The following RNF214 variants were observed in gnomAD, a reference collection of about 807,000 sequenced individuals.
The protein encoded by RNF214 is ring finger protein 214.
A neutral mutation model predicts 75.9 loss-of-function variants in RNF214; 25 were observed. The ratio of observed to expected loss-of-function variants is 0.33; its 90% CI spans 0.24 to 0.46. The LOEUF (loss-of-function observed/expected upper bound fraction) is 0.46. Ranked by LOEUF, RNF214 falls within the 20% of genes least tolerant of loss-of-function variation. The pLI, the probability that RNF214 is intolerant of heterozygous loss-of-function variation, is 1.00. For missense variants in RNF214, 725 were observed against 857.5 expected, an observed-to-expected ratio of 0.85 and a Z score of 1.93; for synonymous variants, 314 against 308.8, an observed-to-expected ratio of 1.02 and a Z score of -0.18.
At chr11:117,281,182 CA>C (rs1264993766) in intron 8 of RNF214, 131 bp from the exon 9 acceptor site, 10 of 637,426 alleles carry the variant, frequency 1.6e-5, no homozygotes, top group Non-Finnish European at 2.6e-5. Context: ...CCACATTGCC[CA>C]GGCTGGTCTA....
chr11:117,239,376 C>T, intron 3 of RNF214: 1 of 516,872 alleles, frequency 1.9e-6, no homozygotes, highest in South Asian at 2.5e-5. Flanking sequence ...CACTGAGTAA[C>T]TGATGAGTGC....
intron 2 of RNF214, among the ~76,000 whole-genome samples, chr11:117,235,075 A>G (rs1327923561): frequency 1.3e-5 from 2 of 152,258 alleles, no homozygotes; most frequent in Non-Finnish European, 2.9e-5. Flanking sequence ...TACAATGTAA[A>G]TGTTATGTAA....
chr11:117,248,281 T>G (rs1293817792), intron 6 of RNF214, among the ~76,000 whole-genome samples: 5 of 152,174 alleles, frequency 3.3e-5, no homozygotes, highest in African/African-American at 1.2e-4. Context: ...TTTCACCGTG[T>G]TAGCCAGGAT....
chr11:117,250,090 A>G (rs2033331138), intron 6 of RNF214, among the ~76,000 whole-genome samples: 1 of 152,236 alleles, frequency 6.6e-6, no homozygotes, highest in Non-Finnish European at 1.5e-5. Context: ...TAAACAGATG[A>G]TTGCAAAATA....
chr11:117,233,908 G>C (rs1047272884), intron 1 of RNF214, among the ~76,000 whole-genome samples: 2 of 152,184 alleles, frequency 1.3e-5, no homozygotes, highest in Non-Finnish European at 2.9e-5. Flanking sequence ...CGAAAAGTAC[G>C]TCTTTTATTA....
intron 4 of RNF214, among the ~76,000 whole-genome samples, chr11:117,240,145 G>C (rs1416556880): frequency 1.3e-5 from 2 of 151,926 alleles, no homozygotes; most frequent in African/African-American, 4.8e-5. Flanking sequence ...TTGAGCCCTG[G>C]AGTTTGAGAC....
chr11:117,247,660 G>A (rs2033261545), intron 6 of RNF214, among the ~76,000 whole-genome samples: 1 of 152,036 alleles, frequency 6.6e-6, no homozygotes, highest in Non-Finnish European at 1.5e-5. Context: ...AGACCATCCT[G>A]GCCAATATGG....
chr11:117,269,851 T>C (rs557718473), intron 6 of RNF214, among the ~76,000 whole-genome samples: 43 of 152,328 alleles, frequency 2.8e-4, no homozygotes, highest in Admixed American at 2.6e-4. Flanking sequence ...GTCCAGAAAA[T>C]GTCATCATAA....
At chr11:117,254,220 G>T (rs1318059168) in intron 6 of RNF214, among the ~76,000 whole-genome samples, 1 of 151,954 alleles carries the variant, frequency 6.6e-6, no homozygotes, top group African/African-American at 2.4e-5. Context: ...CTGAACTCCA[G>T]CTTGGGTGAC....
chr11:117,247,520 A>G (rs2033257398), intron 6 of RNF214, among the ~76,000 whole-genome samples: 1 of 152,152 alleles, frequency 6.6e-6, no homozygotes, highest in Admixed American at 6.5e-5. Context: ...TTTTATATGA[A>G]TCTAACACCG....
At chr11:117,282,649 C>CT (rs1565349587) in intron 12 of RNF214, 97 bp from the exon 13 acceptor site, 1 of 1,548,048 alleles carries the variant, frequency 6.5e-7, no homozygotes, top group Non-Finnish European at 8.9e-7. Context: ...AGCTAGTCTG[C>CT]TTTTTTCCTT....
chr11:117,265,895 C>T (rs1320001961), intron 6 of RNF214, among the ~76,000 whole-genome samples: 1 of 152,162 alleles, frequency 6.6e-6, no homozygotes, highest in African/African-American at 2.4e-5. Context: ...CATTTTCAGT[C>T]ACTGCTCTCT....
At chr11:117,272,999 A>G (rs955398454) in intron 6 of RNF214, among the ~76,000 whole-genome samples, 1 of 152,236 alleles carries the variant, frequency 6.6e-6, no homozygotes, top group African/African-American at 2.4e-5. Context: ...TTTTAAAATA[A>G]TAAACCTATG....
chr11:117,260,101 G>C (rs1193681770), intron 6 of RNF214, among the ~76,000 whole-genome samples: 2 of 151,662 alleles, frequency 1.3e-5, no homozygotes, highest in Non-Finnish European at 2.9e-5. Context: ...CTCCCCCTGG[G>C]AGGCACAACA....
In RNF214 at chr11:117,281,498, G is replaced by C. The variant is rs191155911; in HGVS notation, c.1236+94G>C. 1.3e-5 allele frequency: 18 copies of C among 1,374,898 alleles called. No individual in the cohort carries two copies. In the Middle Eastern group the frequency reaches 7.1e-4, roughly 54 times the overall value. 85.2% of individuals were successfully genotyped at this position (1,374,898 alleles called of 1,614,324 possible). Reference sequence around the variant, plus strand: ...GTAGCCTTTTGCATTGCCATTTGGGGCCTATCCTACTATTCCTTTTGTTTT... The same window carrying C: ...GTAGCCTTTTGCATTGCCATTTGGGCCCTATCCTACTATTCCTTTTGTTTT... On this transcript the variant is annotated intron_variant, in intron 9 of 14. Coordinates refer to ENST00000300650, the MANE Select transcript of RNF214 (RefSeq NM_207343.4).
chr11:117,233,302 C>T (rs1271475891), intron 1 of RNF214, among the ~76,000 whole-genome samples: 1 of 152,134 alleles, frequency 6.6e-6, no homozygotes, highest in East Asian at 1.9e-4. Flanking sequence ...CGGTTTGGGC[C>T]CATTTTCTCC....
In RNF214 at chr11:117,265,151, T is replaced by G. The variant is rs117522030; in HGVS notation, c.960-14757T>G. Among the ~76,000 whole-genome samples the G allele has an allele frequency of 2.5e-3, 380 of 152,256 alleles. 13 individuals carry two copies. In the South Asian group the frequency reaches 0.049, roughly 20 times the overall value. ...GAGCCTTTAGTTCATTTATATTTAA[T>G]GTAATTATTGATTTGATTGGATTAA... is the stretch of plus-strand genomic sequence containing the variant. On this transcript the variant is annotated intron_variant, in intron 6 of 14. Coordinates refer to ENST00000300650, the MANE Select transcript of RNF214 (RefSeq NM_207343.4).
intron 5 of RNF214, among the ~76,000 whole-genome samples, chr11:117,245,140 A>T (rs1266337400): frequency 6.6e-6 from 1 of 150,566 alleles, no homozygotes; most frequent in African/African-American, 2.4e-5. Flanking sequence ...CAACATGGCA[A>T]AATCCCATCT....
chr11:117,272,436 G>C lies in RNF214; in HGVS notation c.960-7472G>C, dbSNP rs116217134. Among the ~76,000 whole-genome samples the C allele has an allele frequency of 6.1e-3, 935 of 152,164 alleles. 8 individuals carry two copies. The highest frequency in any genetic ancestry group is 0.021 in the African/African-American group (855 of 41,514). On this transcript the variant is annotated intron_variant, in intron 6 of 14. Coordinates refer to ENST00000300650, the MANE Select transcript of RNF214 (RefSeq NM_207343.4). The stretch of plus-strand genomic sequence containing the variant: ...GAACAACACACACCAGGGTCAGTTG[G>C]GGGGGTAGGGAGGAAGAGGAGGGAG...
Sources: gnomAD v4.1 joint callset for allele counts (sites outside exome capture counted in the v4.1 genomes callset) on GRCh38, gnomAD v4.1.1 for gene constraint, MANE v1.5 for transcripts, NCBI Gene and HGNC (gene_info 2026-07-23, HGNC 2026-07-21) for gene names.